PXYLP1: variants seen among roughly 807,000 people sequenced by gnomAD.
PXYLP1 encodes 2-phosphoxylose phosphatase 1.
PXYLP1 carries 17 observed loss-of-function variants against 37.9 expected under a neutral mutation model. The ratio of observed to expected loss-of-function variants is 0.45; its 90% confidence interval spans 0.31 to 0.67. The LOEUF (loss-of-function observed/expected upper bound fraction) is 0.67. Among genes scored for constraint, PXYLP1 ranks in the 30% least tolerant of loss-of-function variants. The pLI, the probability that PXYLP1 is intolerant of heterozygous loss-of-function variation, is 0.07. For synonymous variants in PXYLP1, 221 were observed against 232.2 expected (o/e 0.95, Z 0.44); for missense variants, 511 against 612.0 (o/e 0.84, Z 1.74).
chr3:141,279,088 A>G (rs1284678403), intron 3 of PXYLP1, among the ~76,000 whole-genome samples: 2 of 152,216 alleles, frequency 1.3e-5, no homozygotes, highest in South Asian at 4.1e-4. Context: ...GTGAGGCCAC[A>G]TTAGTAGTCA....
rs755813292 is a variant in PXYLP1, at chr3:141,278,460, G to A, written c.198G>A (p.Leu66=). 5.6e-6 allele frequency: 9 copies of A among 1,614,204 alleles called. No homozygotes were observed. The highest frequency in any genetic ancestry group is 7.6e-6 in the Non-Finnish European group (9 of 1,180,030). The change falls in exon 3 of 6, where the codon TTG becomes TTA. Residue 66 remains leucine, a synonymous_variant. Coordinates refer to ENST00000286353, the MANE Select transcript of PXYLP1 (RefSeq NM_001037172.3). ...PVTDPVYEAL[L]YCNIPSVAER... is the part of the protein sequence containing the mutation. ...CAGACCCCGTTTATGAAGCTCTTTT[G>A]TACTGCAACATCCCCAGCGTGGCCG...
In PXYLP1 at chr3:141,287,452, A is replaced by G; in HGVS notation, c.504A>G (p.Thr168=). The change falls in exon 5 of 6, where the codon ACA becomes ACG. Residue 168 remains threonine (T), a splice_region_variant and synonymous_variant. Transcript: ENST00000286353. ...GTGAGATGGGAGAGCTCACACAGAC[A>G]GGTATGTGTGACCCCCATGCGCTCA... ...PLCEMGELTQ[T]GVVQHLQNGQ... The G allele has an allele frequency of 1.2e-6, 2 of 1,613,774 alleles. No homozygotes were observed.
At chr3:141,255,998 A>G (rs1367331383) in intron 1 of PXYLP1, among the ~76,000 whole-genome samples, 1 of 152,182 alleles carries the variant, frequency 6.6e-6, no homozygotes, top group African/African-American at 2.4e-5. Flanking sequence ...AGCCATGAAC[A>G]TGGTTGCAGA....
At chr3:141,288,538 C>G (rs540823100) in intron 5 of PXYLP1, among the ~76,000 whole-genome samples, 2 of 152,304 alleles carry the variant, frequency 1.3e-5, no homozygotes, top group East Asian at 3.9e-4. Context: ...TCCAACACCC[C>G]CTTTGATTAC....
At chr3:141,276,498 C>G (rs1347051212) in intron 2 of PXYLP1, among the ~76,000 whole-genome samples, 1 of 152,144 alleles carries the variant, frequency 6.6e-6, no homozygotes, top group Non-Finnish European at 1.5e-5. Context: ...CTTTTCCCTT[C>G]TTTTTAACTG....
At chr3:141,235,965 G>A (rs1381145300) in intron 1 of PXYLP1, among the ~76,000 whole-genome samples, 1 of 152,238 alleles carries the variant, frequency 6.6e-6, no homozygotes, top group Non-Finnish European at 1.5e-5. Flanking sequence ...CTGCAGTGAT[G>A]GCGGGAACAA....
chr3:141,273,402 G>A, intron 2 of PXYLP1: 1 of 985,500 alleles, frequency 1.0e-6, no homozygotes, highest in Non-Finnish European at 1.2e-6. Flanking sequence ...TCCAAAGCTG[G>A]GAAAAGCAGA....
At chr3:141,272,083 G>C (rs1489934691) in intron 2 of PXYLP1, among the ~76,000 whole-genome samples, 1 of 152,176 alleles carries the variant, frequency 6.6e-6, no homozygotes, top group East Asian at 1.9e-4. Flanking sequence ...GTAGATTTCT[G>C]TCCTTGGCCC....
At chr3:141,290,405 C>T (rs72984519) in intron 5 of PXYLP1, among the ~76,000 whole-genome samples, 8,512 of 152,206 alleles carry the variant, frequency 0.056, 424 homozygotes, top group African/African-American at 0.13. Flanking sequence ...GTGTAGAGTG[C>T]CTAGTGCAGT....
chr3:141,278,673 A>G (rs1412210227), intron 3 of PXYLP1, among the ~76,000 whole-genome samples, 173 bp downstream of exon 3: 2 of 152,226 alleles, frequency 1.3e-5, no homozygotes, highest in Non-Finnish European at 2.9e-5. Context: ...AAATGGGAGT[A>G]ACTCACAGGA....
rs889079141 is a variant in PXYLP1, at chr3:141,294,150, T to C, written c.*945T>C. ...TGCTGTATATGCTGAAATTTTTGTA[T>C]GCCATTTAGTATTTTTATAGTTTAG... On this transcript the variant is annotated 3_prime_UTR_variant, in exon 6 of 6. Transcript: ENST00000286353. 1.3e-5 allele frequency: 2 copies of C among 152,276 alleles called. No individual in the cohort carries two copies. The highest frequency in any genetic ancestry group is 4.8e-5 in the African/African-American group (2 of 41,482). 9.4% of individuals were successfully genotyped at this position (152,276 alleles called of 1,614,324 possible).
chr3:141,273,726 A>T, intron 2 of PXYLP1: 1 of 985,392 alleles, frequency 1.0e-6, no homozygotes, highest in Non-Finnish European at 1.2e-6. Flanking sequence ...CGTAGATGAG[A>T]TGAGCAGAGA....
intron 4 of PXYLP1, among the ~76,000 whole-genome samples, chr3:141,286,623 G>A (rs1942080248): frequency 6.6e-6 from 1 of 151,868 alleles, no homozygotes; most frequent in Non-Finnish European, 1.5e-5. Flanking sequence ...TTAGGGTAGA[G>A]AGGGCCAGTG....
rs1942103832 is a variant in PXYLP1, at chr3:141,287,454, G to C, written c.505+1G>C. 1.2e-6 allele frequency: 2 copies of C among 1,613,660 alleles called. No individual in the cohort carries two copies. Among genetic ancestry groups the C allele is most frequent in the African/African-American group, 2.7e-5 (2 of 74,864 alleles). On this transcript the variant is annotated splice_donor_variant, in intron 5 of 5. Transcript: ENST00000286353. LOFTEE classifies it high-confidence loss of function. ...GAGATGGGAGAGCTCACACAGACAGGTATGTGTGACCCCCATGCGCTCAGG... is the reference window on the plus strand; with the variant it reads ...GAGATGGGAGAGCTCACACAGACAGCTATGTGTGACCCCCATGCGCTCAGG...
chr3:141,289,077 A>G (rs1359863700), intron 5 of PXYLP1, among the ~76,000 whole-genome samples: 2 of 152,228 alleles, frequency 1.3e-5, no homozygotes, highest in African/African-American at 4.8e-5. Context: ...AAATGCTTGT[A>G]CCTAAATGTG....
intron 1 of PXYLP1, chr3:141,258,571 T>A: frequency 6.5e-6 from 1 of 153,548 alleles, no homozygotes. Context: ...CTCAGAGAGA[T>A]TGAAGGAGAG....
chr3:141,270,520 T>C (rs1941636297), intron 2 of PXYLP1, among the ~76,000 whole-genome samples: 1 of 152,252 alleles, frequency 6.6e-6, no homozygotes, highest in Non-Finnish European at 1.5e-5. Context: ...TGAGGAGCAC[T>C]AAGGGAATTG....
intron 4 of PXYLP1, among the ~76,000 whole-genome samples, chr3:141,282,330 A>C (rs1182455066): frequency 6.6e-6 from 1 of 152,026 alleles, no homozygotes; most frequent in Non-Finnish European, 1.5e-5. Flanking sequence ...TACCTCCTTT[A>C]AGTCTTTGCT....
chr3:141,248,782 CGT>C (rs1491401650), intron 1 of PXYLP1, among the ~76,000 whole-genome samples: 375 of 33,450 alleles, frequency 0.011, 69 homozygotes, highest in South Asian at 0.08. Context: ...TATATACACA[CGT>C]ATATATATAC....
Sources: gnomAD v4.1 joint callset for allele counts (sites outside exome capture counted in the v4.1 genomes callset) on GRCh38, gnomAD v4.1.1 for gene constraint, MANE v1.5 for transcripts, NCBI Gene and HGNC (gene_info 2026-07-23, HGNC 2026-07-21) for gene names.